SEC31A: variants seen among roughly 807,000 people sequenced by gnomAD.
SEC31A encodes the protein protein transport protein Sec31A.
Under a neutral mutation model 151.0 loss-of-function variants are expected in SEC31A, and 70 were observed. That is an observed-to-expected ratio of 0.46 (90% CI 0.38 to 0.57). SEC31A has a LOEUF of 0.57. Ranked by LOEUF, SEC31A falls within the 20% of genes least tolerant of loss-of-function variation. SEC31A has a pLI of 0.00. For missense variants in SEC31A, 1,330 were observed against 1,471.2 expected, an observed-to-expected ratio of 0.90 and a Z score of 1.57; for synonymous variants, 475 against 505.9, an observed-to-expected ratio of 0.94 and a Z score of 0.82.
At chr4:82,864,276 C>A in intron 11 of SEC31A, 86 bp downstream of exon 11, 1 of 944,968 alleles carries the variant, frequency 1.1e-6, no homozygotes, top group Non-Finnish European at 1.6e-6. Context: ...TCAATTGTTT[C>A]TTTAATAGGA....
At chr4:82,831,876 G>A (rs1232375259) in intron 22 of SEC31A, among the ~76,000 whole-genome samples, 1 of 152,152 alleles carries the variant, frequency 6.6e-6, no homozygotes, top group Non-Finnish European at 1.5e-5. Context: ...ACCTCTTCAA[G>A]GAGAAACTAC....
rs769117824 is a variant in SEC31A at position 82,863,290 on chromosome 4, A to G, written c.1509+28T>C. ...TTTAAAAGTATGATTCATAAAGAGC[A>G]TGCCATCTAACTTTCCCAAAAGTTT... On this transcript the variant is annotated intron_variant, in intron 12 of 26. Transcript: ENST00000395310. 6.5e-6 allele frequency: 8 copies of G among 1,229,720 alleles called. No homozygotes were observed. In the East Asian group the frequency reaches 1.9e-4, roughly 29 times the overall value. The allele number at this position is 1,229,720 out of a possible 1,614,324, so 76.2% of individuals were successfully genotyped here. A position where few individuals can be genotyped will look rare whatever the true frequency, so the allele number is the denominator to read the frequency against.
Position 82,855,033 on chromosome 4 carries a change from GAGAA to G in SEC31A, c.1882-8_1882-5del. 6.3e-7 allele frequency: 1 copy of G among 1,586,914 alleles called. No homozygotes were observed. Among genetic ancestry groups the G allele is most frequent in the South Asian group, 1.2e-5 (1 of 85,558 alleles). ...TCATCACCACTGCAGTGATGAGCTT[GAGAA>G]ACGAAAACAAAGGAAGAATTAAAAG... On this transcript the variant is annotated splice_polypyrimidine_tract_variant and splice_region_variant and intron_variant, in intron 16 of 26. Coordinates refer to ENST00000395310, the MANE Select transcript of SEC31A (RefSeq NM_001077207.4).
intron 1 of SEC31A, chr4:82,900,302 C>G (rs571053098): frequency 6.0e-6 from 1 of 167,892 alleles, no homozygotes; most frequent in Non-Finnish European, 1.3e-5. Context: ...TTCAACACAC[C>G]TAAGGCACCG....
rs113208239 is a variant in SEC31A at position 82,841,439 on chromosome 4, A to G, written c.2968+701T>C. On this transcript the variant is annotated intron_variant, in intron 22 of 26. Transcript: ENST00000395310. ...CTCCATCTCAAAAAAGAAAAAAAAA[A>G]TTTTATATATATATATATATATATA... Among the ~76,000 whole-genome samples, 5 of 23,238 alleles carry G rather than the reference A, an allele frequency of 2.2e-4. No homozygotes were observed. In the East Asian group the frequency reaches 0.017, roughly 77 times the overall value. The allele number at this position is 23,238 out of a possible 152,430, so 15.2% of individuals were successfully genotyped here. A position where few individuals can be genotyped will look rare whatever the true frequency, so the allele number is the denominator to read the frequency against.
intron 23 of SEC31A, 54 bp from the exon 24 acceptor site, chr4:82,827,686 A>C: frequency 6.4e-7 from 1 of 1,567,918 alleles, no homozygotes; most frequent in African/African-American, 1.4e-5. Flanking sequence ...AACGATAGCA[A>C]CATTTCTTCA....
chr4:82,884,417 T>TA (rs1195605575), intron 1 of SEC31A, among the ~76,000 whole-genome samples: 1 of 152,232 alleles, frequency 6.6e-6, no homozygotes, highest in Non-Finnish European at 1.5e-5. Context: ...CTTTATCTTT[T>TA]AGAGTTTTAC....
At position 82,861,905 on chromosome 4, in the gene SEC31A, CTTTTTTTTTTTT is replaced by C. The variant is rs33968103; in HGVS notation, c.1549-209_1549-198del. ...CTATTACTGCTAACACTTTCCCATT[CTTTTTTTTTTTT>C]TTTTTTTTTTTTTTGAGACCGAGTC... On this transcript the variant is annotated intron_variant, in intron 13 of 26. Coordinates refer to ENST00000395310, the MANE Select transcript of SEC31A (RefSeq NM_001077207.4). 8.4e-4 allele frequency: 75 copies of C among 89,690 alleles called. 1 individual carries two copies. The highest frequency in any genetic ancestry group is 1.1e-3 in the Non-Finnish European group (56 of 50,048). The allele number at this position is 89,690 out of a possible 1,614,324, so 5.6% of individuals were successfully genotyped here.
intron 22 of SEC31A, among the ~76,000 whole-genome samples, chr4:82,839,131 C>T (rs1331936155): frequency 2.0e-5 from 3 of 152,038 alleles, no homozygotes; most frequent in African/African-American, 4.8e-5. Flanking sequence ...CGCCCGCCAC[C>T]ACGTCCAGCT....
chr4:82,886,851 T>C (rs1214804581), intron 1 of SEC31A, among the ~76,000 whole-genome samples: 3 of 152,254 alleles, frequency 2.0e-5, no homozygotes, highest in African/African-American at 7.2e-5. Context: ...CAATTACCTT[T>C]TTTTAACCAG....
At chr4:82,879,404 G>C (rs1019850550) in intron 3 of SEC31A, among the ~76,000 whole-genome samples, 2 of 149,724 alleles carry the variant, frequency 1.3e-5, no homozygotes, top group African/African-American at 4.9e-5. Context: ...ACTAACAAGT[G>C]GTCTGTTAAA....
intron 14 of SEC31A, among the ~76,000 whole-genome samples, chr4:82,859,294 A>G (rs1733523718): frequency 1.3e-5 from 2 of 152,246 alleles, no homozygotes. Flanking sequence ...TAAATTTCTG[A>G]GACTACCTGC....
rs184022002 is a variant in SEC31A at position 82,849,973 on chromosome 4, G to T, written c.2329-996C>A. On this transcript the variant is annotated intron_variant, in intron 19 of 26. Coordinates refer to ENST00000395310, the MANE Select transcript of SEC31A (RefSeq NM_001077207.4). ...TTTAGGCATATTTTATTTGCCTTTT[G>T]GGGGGGAGAATTATATATTACAATG... is the stretch of plus-strand genomic sequence containing the variant. 1.4e-4 allele frequency among the ~76,000 whole-genome samples: 22 copies of T among 151,944 alleles called. 1 individual carries two copies. The highest frequency in any genetic ancestry group is 3.6e-4 in the African/African-American group (15 of 41,360).
At chr4:82,873,892 A>C (rs1345422017) in intron 6 of SEC31A, among the ~76,000 whole-genome samples, 1 of 152,238 alleles carries the variant, frequency 6.6e-6, no homozygotes, top group Non-Finnish European at 1.5e-5. Context: ...TTTTAGCAGT[A>C]CCTAATCAGA....
In SEC31A at chr4:82,878,744, C is replaced by A. The variant is rs201584673; in HGVS notation, c.388G>T (p.Val130Leu). The A allele has an allele frequency of 6.2e-7, 1 of 1,613,588 alleles. No homozygotes were observed. Among genetic ancestry groups the A allele is most frequent in the Non-Finnish European group, 8.5e-7 (1 of 1,179,624 alleles). Residue 130 changes from valine to leucine, a missense_variant, in exon 4 of 27, where the codon GTG becomes TTG. Val to Leu is a conservative substitution (Grantham distance 32). Transcript: ENST00000395310. ...AAAGTCTTAACCTGGAAAATGTTCACATCCAAGGCTCTCACTGGGCCAGTA... is the reference window on the plus strand; with the variant it reads ...AAAGTCTTAACCTGGAAAATGTTCAAATCCAAGGCTCTCACTGGGCCAGTA... The part of the protein sequence containing the change: ...KHTGPVRALD[V>L]NIFQTNLVAS...
intron 1 of SEC31A, among the ~76,000 whole-genome samples, chr4:82,887,131 G>T (rs1358075341): frequency 6.6e-6 from 1 of 152,084 alleles, no homozygotes; most frequent in Non-Finnish European, 1.5e-5. Context: ...GGGGGAAAAG[G>T]TTATAAGATG....
At chr4:82,862,260 A>G (rs1734359545) in intron 13 of SEC31A, among the ~76,000 whole-genome samples, 1 of 151,758 alleles carries the variant, frequency 6.6e-6, no homozygotes, top group South Asian at 2.1e-4. Flanking sequence ...GCCAAAAAAA[A>G]AAAAAAAAAT....
At chr4:82,843,163 C>T (rs571684281) in intron 21 of SEC31A, among the ~76,000 whole-genome samples, 2 of 149,856 alleles carry the variant, frequency 1.3e-5, no homozygotes, top group Admixed American at 1.3e-4. Flanking sequence ...CAGGGTCTTG[C>T]TGTGTCACCC....
chr4:82,856,548 C>T (rs1578251160), intron 16 of SEC31A, among the ~76,000 whole-genome samples: 1 of 151,366 alleles, frequency 6.6e-6, no homozygotes, highest in Admixed American at 6.6e-5. Context: ...GTCAGGAGTT[C>T]GAGACCAGCC....
Sources: allele counts gnomAD v4.1 joint callset (sites outside exome capture counted in the v4.1 genomes callset), GRCh38; gene constraint gnomAD v4.1.1; transcripts MANE v1.5; gene names NCBI Gene and HGNC (gene_info 2026-07-23, HGNC 2026-07-21).